The following RILPL1 variants were observed in gnomAD, a reference collection of about 807,000 sequenced individuals.
RILPL1 encodes the protein RILP-like protein 1.
RILPL1 carries 33 observed loss-of-function variants against 50.3 expected under a neutral mutation model. That is an observed-to-expected ratio of 0.66 (90% confidence interval 0.50 to 0.88). RILPL1 has a LOEUF of 0.88. Ranked by LOEUF, RILPL1 falls within the 40% of genes least tolerant of loss-of-function variation. RILPL1 has a pLI of 0.00. For missense variants in RILPL1, 418 were observed against 542.5 expected, an observed-to-expected ratio of 0.77 and a Z score of 2.28; for synonymous variants, 205 against 228.6, an observed-to-expected ratio of 0.90 and a Z score of 0.93.
In RILPL1 at chr12:123,485,908, C is replaced by T; in HGVS notation, c.802-103G>A. The T allele has an allele frequency of 8.1e-7, 1 of 1,233,910 alleles. No homozygotes were observed. The highest frequency in any genetic ancestry group is 1.1e-6 in the Non-Finnish European group (1 of 915,642). The allele number at this position is 1,233,910 out of a possible 1,614,324, so 76.4% of individuals were successfully genotyped here. ...AATTCTCCCCCTCCCGGGGTGCCAGCAGCCTGTGGAGGGTGCTATTTTCAG... is the reference window on the plus strand; with the variant it reads ...AATTCTCCCCCTCCCGGGGTGCCAGTAGCCTGTGGAGGGTGCTATTTTCAG... On this transcript the variant is annotated intron_variant, in intron 4 of 6. Transcript: ENST00000376874. The surrounding 1 kb of genome is among the most constrained non-coding windows in gnomAD (Gnocchi z 4.0).
chr12:123,521,654 CATAT>C lies in RILPL1; in HGVS notation c.460+1837_460+1840del, dbSNP rs1566144417. On this transcript the variant is annotated intron_variant, in intron 2 of 6. Transcript: ENST00000376874. ...ACACACATATGTGTATATATATACA[CATAT>C]ATGTATATATATAAATATATATATA... Among the ~76,000 whole-genome samples, 3 of 5,876 alleles carry C rather than the reference CATAT, an allele frequency of 5.1e-4. No homozygotes were observed. In the East Asian group the frequency reaches 0.06, roughly 118 times the overall value. The allele number at this position is 5,876 out of a possible 152,430, so 3.9% of individuals were successfully genotyped here.
chr12:123,475,770 T>C lies in RILPL1; in HGVS notation c.1068-3088A>G, dbSNP rs1183365458. 2.7e-6 allele frequency: 4 copies of C among 1,490,922 alleles called. No individual in the cohort carries two copies. In the African/African-American group the frequency reaches 4.1e-5, roughly 15 times the overall value. 92.4% of individuals were successfully genotyped at this position (1,490,922 alleles called of 1,614,324 possible). On this transcript the variant is annotated intron_variant, in intron 6 of 6. Coordinates refer to ENST00000376874, the MANE Select transcript of RILPL1 (RefSeq NM_178314.5). ...AAGATCCTGGTTAGAGAAGTACAGA[T>C]AGACACAGAGAAGATAAAAACGGGA...
At position 123,533,445 on chromosome 12, in the gene RILPL1, G is replaced by T; in HGVS notation, c.38C>A (p.Ser13Ter). The T allele has an allele frequency of 6.5e-7, 1 of 1,532,036 alleles. No individual in the cohort carries two copies. The allele number at this position is 1,532,036 out of a possible 1,614,324, so 94.9% of individuals were successfully genotyped here. A position where few individuals can be genotyped will look rare whatever the true frequency, so the allele number is the denominator to read the frequency against. Residue 13 changes from serine to a stop codon, truncating the protein, a stop_gained, in exon 1 of 7, where the codon TCG becomes TAG. Coordinates refer to ENST00000376874, the MANE Select transcript of RILPL1 (RefSeq NM_178314.5). LOFTEE classifies it high-confidence loss of function. The surrounding 1 kb of genome is among the most constrained non-coding windows in gnomAD (Gnocchi z 6.2). ...CTCGGCCACGTTCTTCTCCAGCGCCGACTCGGCCGCCAGCGCCGACCCCCG... is the reference window on the plus strand; with the variant it reads ...CTCGGCCACGTTCTTCTCCAGCGCCTACTCGGCCGCCAGCGCCGACCCCCG... ...EERGSALAAESALEKNVAELT... is the reference protein window; with the variant it reads ...EERGSALAAE
chr12:123,492,100 C>A (rs1387533369), intron 4 of RILPL1, among the ~76,000 whole-genome samples: 1 of 151,818 alleles, frequency 6.6e-6, no homozygotes, highest in Non-Finnish European at 1.5e-5. Context: ...ATGGGGAAAC[C>A]CTGTCTCTAC....
chr12:123,517,424 GTTTTT>G (rs59944903), intron 2 of RILPL1, among the ~76,000 whole-genome samples: 3 of 131,948 alleles, frequency 2.3e-5, no homozygotes, highest in African/African-American at 2.8e-5. Flanking sequence ...TGTTGTTATT[GTTTTT>G]TTTTTTTTTT....
rs1017173416 is a variant in RILPL1 at position 123,475,500 on chromosome 12, G to C, written c.1068-2818C>G. ...CTCGAGTAGACCGAGCGCAGCCAGT[G>C]GCACAGCTGAAATCACACTCAACAT... On this transcript the variant is annotated intron_variant, in intron 6 of 6. Coordinates refer to ENST00000376874, the MANE Select transcript of RILPL1 (RefSeq NM_178314.5). 4.8e-6 allele frequency: 3 copies of C among 622,638 alleles called. No individual in the cohort carries two copies. In the African/African-American group the frequency reaches 5.5e-5, roughly 11 times the overall value. 38.6% of individuals were successfully genotyped at this position (622,638 alleles called of 1,614,324 possible).
intron 2 of RILPL1, chr12:123,513,354 T>C: frequency 2.5e-6 from 1 of 400,178 alleles, no homozygotes; most frequent in Non-Finnish European, 5.2e-6. Flanking sequence ...CAGGACCCAC[T>C]CACTCATTTA....
chr12:123,518,058 C>T (rs957558572), intron 2 of RILPL1, among the ~76,000 whole-genome samples: 1 of 152,086 alleles, frequency 6.6e-6, no homozygotes, highest in Non-Finnish European at 1.5e-5. Context: ...ATGGTGGGTG[C>T]CAGGGGCCAA....
chr12:123,507,865 C>T (rs561964055), intron 2 of RILPL1, among the ~76,000 whole-genome samples: 5 of 148,936 alleles, frequency 3.4e-5, no homozygotes, highest in South Asian at 2.2e-4. Context: ...CACTTGAACC[C>T]GGGAGGTGGA....
intron 2 of RILPL1, among the ~76,000 whole-genome samples, chr12:123,513,126 GGT>G (rs1158033245): frequency 4.1e-5 from 6 of 146,028 alleles, no homozygotes; most frequent in Non-Finnish European, 6.0e-5. Flanking sequence ...GTGTGTGTGT[GGT>G]GTGTGAGGTC....
chr12:123,522,249 C>T lies in RILPL1; in HGVS notation c.460+1246G>A, dbSNP rs1262045739. Among the ~76,000 whole-genome samples, 9 of 152,214 alleles carry T rather than the reference C, an allele frequency of 5.9e-5. No homozygotes were observed. The highest frequency in any genetic ancestry group is 5.9e-4 in the Admixed American group (9 of 15,278). On this transcript the variant is annotated intron_variant, in intron 2 of 6. Transcript: ENST00000376874. The surrounding 1 kb of genome is among the most constrained non-coding windows in gnomAD (Gnocchi z 4.0). ...GGGTGAGCTGCAGGAGGCACCCCTG[C>T]TTTAGCGGGCAGGAAGCTGCAGGGC...
rs1881176258 is a variant in RILPL1 at position 123,471,223 on chromosome 12, AC to A, written c.*1314del. 2 of 151,680 alleles carry A rather than the reference AC, an allele frequency of 1.3e-5. No individual in the cohort carries two copies. The highest frequency in any genetic ancestry group is 2.4e-5 in the African/African-American group (1 of 41,276). 9.4% of individuals were successfully genotyped at this position (151,680 alleles called of 1,614,324 possible). A position where few individuals can be genotyped will look rare whatever the true frequency, so the allele number is the denominator to read the frequency against. ...GCAGCTGGGATTATAGGCATGCACC[AC>A]CTCGCCTGGCTAATTTTTTTGTATT... On this transcript the variant is annotated 3_prime_UTR_variant, in exon 7 of 7. Coordinates refer to ENST00000376874, the MANE Select transcript of RILPL1 (RefSeq NM_178314.5).
chr12:123,495,823 G>A (rs570024920), intron 4 of RILPL1, among the ~76,000 whole-genome samples: 1 of 150,920 alleles, frequency 6.6e-6, no homozygotes, highest in Non-Finnish European at 1.5e-5. Flanking sequence ...TGGGACTACA[G>A]GCGCACACCA....
At position 123,522,679 on chromosome 12, in the gene RILPL1, G is replaced by A. The variant is rs1199495081; in HGVS notation, c.460+816C>T. ...TATGATCTCAGCTCACTGTGGCCTC[G>A]ACCTCCTGGGCTCAAGTGATCCTCC... On this transcript the variant is annotated intron_variant, in intron 2 of 6. Transcript: ENST00000376874. The surrounding 1 kb of genome is among the most constrained non-coding windows in gnomAD (Gnocchi z 4.0). 1.3e-5 allele frequency among the ~76,000 whole-genome samples: 2 copies of A among 151,832 alleles called. No homozygotes were observed. Among genetic ancestry groups the A allele is most frequent in the Non-Finnish European group, 2.9e-5 (2 of 67,960 alleles).
intron 6 of RILPL1, among the ~76,000 whole-genome samples, chr12:123,476,690 C>T (rs553306690): frequency 7.2e-5 from 11 of 152,252 alleles, no homozygotes; most frequent in Admixed American, 5.2e-4. Flanking sequence ...TTCTCCCTTA[C>T]AGTCCGAAGA....
intron 4 of RILPL1, among the ~76,000 whole-genome samples, chr12:123,494,013 GA>G (rs1309493711): frequency 2.0e-5 from 3 of 151,982 alleles, no homozygotes; most frequent in African/African-American, 4.8e-5. Flanking sequence ...TCAAACTCCT[GA>G]CCTCAGGTGA....
chr12:123,501,679 G>A (rs1292553846), intron 2 of RILPL1, among the ~76,000 whole-genome samples: 1 of 148,460 alleles, frequency 6.7e-6, no homozygotes, highest in Non-Finnish European at 1.5e-5. Context: ...AGACTCGCTT[G>A]AACCCGGGAG....
intron 2 of RILPL1, 29 bp downstream of exon 2, chr12:123,523,466 C>T (rs759575310): frequency 1.2e-6 from 2 of 1,613,602 alleles, no homozygotes; most frequent in Non-Finnish European, 1.7e-6. Context: ...ATGGCCGGCC[C>T]CCTTGCATTG....
intron 2 of RILPL1, among the ~76,000 whole-genome samples, chr12:123,507,460 G>A (rs73412279): frequency 0.075 from 11,435 of 151,732 alleles, 1,362 homozygotes; most frequent in African/African-American, 0.25. Flanking sequence ...AGCTACTCAA[G>A]AGGCTGAAGC....
Sources: gnomAD v4.1 joint callset for allele counts (sites outside exome capture counted in the v4.1 genomes callset) on GRCh38, gnomAD v4.1.1 for gene constraint, Gnocchi (gnomAD v3.1) non-coding constraint, MANE v1.5 for transcripts, NCBI Gene and HGNC (gene_info 2026-07-23, HGNC 2026-07-21) for gene names.